Variants in PPP6C observed in about 807,000 individuals in gnomAD.
The protein encoded by PPP6C is protein phosphatase 6 catalytic subunit.
A neutral mutation model predicts 39.8 loss-of-function variants in PPP6C; 11 were observed. That is an observed-to-expected ratio of 0.28 (90% CI 0.17 to 0.46). The LOEUF (loss-of-function observed/expected upper bound fraction) is 0.46. Among genes scored for constraint, PPP6C ranks in the 20% least tolerant of loss-of-function variants. The probability of loss-of-function intolerance (pLI) is 1.00; values close to 1 mark genes in which losing one functional copy is unlikely to be tolerated. For missense variants in PPP6C, 211 were observed against 373.9 expected, an observed-to-expected ratio of 0.56 and a Z score of 3.59; for synonymous variants, 129 against 130.3, an observed-to-expected ratio of 0.99 and a Z score of 0.07.
intron 1 of PPP6C, among the ~76,000 whole-genome samples, chr9:125,186,091 T>C (rs1340857853): frequency 6.6e-6 from 1 of 152,124 alleles, no homozygotes; most frequent in Non-Finnish European, 1.5e-5. Context: ...TTTAGTATTT[T>C]ATCTTCTAAT....
Position 125,147,487 on chromosome 9 carries a change from T to C in PPP6C, c.*2186A>G, listed in dbSNP as rs146525360. 2 of 152,276 alleles carry C rather than the reference T, an allele frequency of 1.3e-5. No individual in the cohort carries two copies. Among genetic ancestry groups the C allele is most frequent in the East Asian group, 3.9e-4 (2 of 5,184 alleles). The allele number at this position is 152,276 out of a possible 1,614,324, so 9.4% of individuals were successfully genotyped here. Reference sequence around the variant, plus strand: ...TTGTAGGCTCACAAAGTCCAATACATTAGCTCTCTCTTCCCTTTACACGTC... The same window carrying C: ...TTGTAGGCTCACAAAGTCCAATACACTAGCTCTCTCTTCCCTTTACACGTC... On this transcript the variant is annotated 3_prime_UTR_variant, in exon 7 of 7. Transcript: ENST00000373547.
chr9:125,171,024 G>A (rs1236430458), intron 2 of PPP6C, 61 bp downstream of exon 2: 4 of 1,126,648 alleles, frequency 3.6e-6, no homozygotes, highest in Non-Finnish European at 4.9e-6. Context: ...TGCAGCACAT[G>A]TGAAAACACA....
chr9:125,151,484 C>T (rs1268636130), intron 6 of PPP6C: 4 of 794,806 alleles, frequency 5.0e-6, no homozygotes, highest in Middle Eastern at 2.3e-4. Flanking sequence ...GATGAAGCAC[C>T]ATTCCAAAAT....
At chr9:125,172,752 A>ACAC (rs1829203436) in intron 1 of PPP6C, among the ~76,000 whole-genome samples, 3 of 108,300 alleles carry the variant, frequency 2.8e-5, no homozygotes, top group East Asian at 8.4e-4. Context: ...CACACACACA[A>ACAC]ACACACACAC....
intron 1 of PPP6C, among the ~76,000 whole-genome samples, chr9:125,177,199 C>T (rs1380694759): frequency 2.6e-5 from 4 of 151,490 alleles, no homozygotes; most frequent in African/African-American, 9.7e-5. Context: ...ACAATGAAAC[C>T]CCATCTCTAC....
chr9:125,188,455 C>T (rs1268593273), intron 1 of PPP6C, among the ~76,000 whole-genome samples: 5 of 151,974 alleles, frequency 3.3e-5, no homozygotes. Flanking sequence ...AACCTAAGCT[C>T]TGATTTCAGC....
At chr9:125,180,454 C>T (rs1829397202) in intron 1 of PPP6C, among the ~76,000 whole-genome samples, 1 of 152,118 alleles carries the variant, frequency 6.6e-6, no homozygotes, top group South Asian at 2.1e-4. Context: ...TGGAGTTTCG[C>T]TCTTGTCACC....
intron 1 of PPP6C, among the ~76,000 whole-genome samples, chr9:125,176,914 A>C (rs929062952): frequency 6.6e-6 from 1 of 152,172 alleles, no homozygotes; most frequent in Non-Finnish European, 1.5e-5. Context: ...AGAATCAAGG[A>C]TGACGCGGGA....
chr9:125,153,163 C>T (rs750803590), intron 6 of PPP6C, among the ~76,000 whole-genome samples: 16 of 151,944 alleles, frequency 1.1e-4, no homozygotes, highest in Admixed American at 4.6e-4. Context: ...GTCCCAGCTA[C>T]TCAGGAGGCT....
At position 125,149,542 on chromosome 9, in the gene PPP6C, TAAAA is replaced by T; in HGVS notation, c.*127_*130del. 1 of 902,642 alleles carries T rather than the reference TAAAA, an allele frequency of 1.1e-6. No homozygotes were observed. Among genetic ancestry groups the T allele is most frequent in the African/African-American group, 1.8e-5 (1 of 56,290 alleles). The allele number at this position is 902,642 out of a possible 1,614,324, so 55.9% of individuals were successfully genotyped here. A position where few individuals can be genotyped will look rare whatever the true frequency, so the allele number is the denominator to read the frequency against. On this transcript the variant is annotated 3_prime_UTR_variant, in exon 7 of 7. Coordinates refer to ENST00000373547, the MANE Select transcript of PPP6C (RefSeq NM_002721.5). ...CAATAAATTTAGATAATTTAAAATTTAAAAAAAAAAAGGCAAGAGGCAGCATTTC... is the reference window on the plus strand; with the variant it reads ...CAATAAATTTAGATAATTTAAAATTTAAAAAAAGGCAAGAGGCAGCATTTC...
chr9:125,161,090 AG>A (rs1828864748), intron 2 of PPP6C, among the ~76,000 whole-genome samples, 184 bp from the exon 3 acceptor site: 2 of 152,180 alleles, frequency 1.3e-5, no homozygotes, highest in African/African-American at 4.8e-5. Context: ...CACTAAATAA[AG>A]CTCAGTTACC....
At position 125,148,463 on chromosome 9, in the gene PPP6C, C is replaced by T. The variant is rs576722847; in HGVS notation, c.*1210G>A. On this transcript the variant is annotated 3_prime_UTR_variant, in exon 7 of 7. Transcript: ENST00000373547. ...CCTTTGGATATTCAAATTACTTACA[C>T]AAAGCTGAAATATGGTATCACAGAC... 22 of 151,910 alleles carry T rather than the reference C, an allele frequency of 1.4e-4. No homozygotes were observed. The highest frequency in any genetic ancestry group is 2.2e-4 in the Non-Finnish European group (15 of 67,986). 9.4% of individuals were successfully genotyped at this position (151,910 alleles called of 1,614,324 possible). A position where few individuals can be genotyped will look rare whatever the true frequency, so the allele number is the denominator to read the frequency against.
At chr9:125,164,000 G>A (rs746319828) in intron 2 of PPP6C, among the ~76,000 whole-genome samples, 1 of 150,132 alleles carries the variant, frequency 6.7e-6, no homozygotes, top group African/African-American at 2.5e-5. Context: ...CCGCACCCCC[G>A]CTGATTTTTG....
In PPP6C at chr9:125,160,630, T is replaced by A. The variant is rs10986593; in HGVS notation, c.237+211A>T. Among the ~76,000 whole-genome samples, 1,302 of 152,332 alleles carry A rather than the reference T, an allele frequency of 8.5e-3. 43 individuals carry two copies. The East Asian group carries it at 0.11, about 13-fold the overall frequency. On this transcript the variant is annotated intron_variant, in intron 3 of 6. Coordinates refer to ENST00000373547, the MANE Select transcript of PPP6C (RefSeq NM_002721.5). ...CATGATTGTGAGGCCTCTCCAGCCATGTGAAACTGTTAAGTCCATTAAACC... is the reference window on the plus strand; with the variant it reads ...CATGATTGTGAGGCCTCTCCAGCCAAGTGAAACTGTTAAGTCCATTAAACC...
At chr9:125,171,504 T>C (rs973423233) in intron 1 of PPP6C, among the ~76,000 whole-genome samples, 2 of 104,508 alleles carry the variant, frequency 1.9e-5, no homozygotes, top group South Asian at 3.3e-4. Context: ...TATATATATA[T>C]ATATATATAT....
At chr9:125,166,897 A>G (rs896773292) in intron 2 of PPP6C, among the ~76,000 whole-genome samples, 15 of 150,496 alleles carry the variant, frequency 1.0e-4, no homozygotes, top group Non-Finnish European at 1.9e-4. Context: ...TTCATCACAC[A>G]GACTTTTTTC....
intron 1 of PPP6C, among the ~76,000 whole-genome samples, chr9:125,181,152 G>C (rs1829413246): frequency 6.6e-6 from 1 of 152,056 alleles, no homozygotes; most frequent in African/African-American, 2.4e-5. Context: ...TAAACGCTAC[G>C]TGACTCAATC....
rs79820162 is a variant in PPP6C at position 125,163,424 on chromosome 9, T to C, written c.172-2518A>G. 4.6e-3 allele frequency among the ~76,000 whole-genome samples: 695 copies of C among 152,238 alleles called. 31 individuals carry two copies. In the East Asian group the frequency reaches 0.11, roughly 25 times the overall value. ...ACTTTTCTATTGATGTTTACAGATA[T>C]GTTTTTTTGTTTTGTTTTGTTTTTT... On this transcript the variant is annotated intron_variant, in intron 2 of 6. Coordinates refer to ENST00000373547, the MANE Select transcript of PPP6C (RefSeq NM_002721.5).
At chr9:125,174,971 G>T (rs1317487137) in intron 1 of PPP6C, among the ~76,000 whole-genome samples, 9 of 151,884 alleles carry the variant, frequency 5.9e-5, no homozygotes, top group African/African-American at 2.2e-4. Context: ...ACTTTGGGAG[G>T]CCGAGGCAGG....
Sources: gnomAD v4.1 joint callset for allele counts (sites outside exome capture counted in the v4.1 genomes callset) on GRCh38, gnomAD v4.1.1 for gene constraint, MANE v1.5 for transcripts, NCBI Gene and HGNC (gene_info 2026-07-23, HGNC 2026-07-21) for gene names.